The following GTF3C3 variants were observed in gnomAD, a reference collection of about 807,000 sequenced individuals.
GTF3C3 encodes general transcription factor IIIC subunit 3.
GTF3C3 carries 75 observed loss-of-function variants against 105.2 expected under a neutral mutation model. That is an observed-to-expected ratio of 0.71 (90% CI 0.59 to 0.86). GTF3C3 has a LOEUF of 0.86. Among genes scored for constraint, GTF3C3 ranks in the 40% least tolerant of loss-of-function variants. GTF3C3 has a pLI of 0.00. For synonymous variants in GTF3C3, 335 were observed against 370.4 expected (o/e 0.90, Z 1.10); for missense variants, 856 against 1,076.5 (o/e 0.80, Z 2.87).
rs1365718713 is a variant in GTF3C3, at chr2:196,763,547, G to GT, written c.*1015dup. The stretch of plus-strand genomic sequence containing the variant: ...CATACAAATTCTGCTCAACTAGAAA[G>GT]TTTTGTGTACAGTAGAAACAGTGGT... On this transcript the variant is annotated 3_prime_UTR_variant, in exon 18 of 18. Transcript: ENST00000263956. 2 of 152,168 alleles carry GT rather than the reference G, an allele frequency of 1.3e-5. No individual in the cohort carries two copies. The highest frequency in any genetic ancestry group is 6.5e-5 in the Admixed American group (1 of 15,276). The allele number at this position is 152,168 out of a possible 1,614,324, so 9.4% of individuals were successfully genotyped here.
intron 12 of GTF3C3, 46 bp from the exon 13 acceptor site, chr2:196,775,297 T>C (rs1295761925): frequency 1.3e-6 from 2 of 1,544,172 alleles, no homozygotes; most frequent in Admixed American, 1.9e-5. Context: ...AATAACTGTT[T>C]TGTTTAGAGA....
chr2:196,767,099 T>C (rs1699081316), intron 16 of GTF3C3: 1 of 155,826 alleles, frequency 6.4e-6, no homozygotes, highest in Non-Finnish European at 1.4e-5. Context: ...AAAATAATGA[T>C]AATGTACAAA....
chr2:196,769,970 AAGGTTAGGCCTATACAGAAGCTATAGAG>A lies in GTF3C3; in HGVS notation c.2302_2329del (p.Tyr769PhefsTer49). On this transcript the variant is annotated frameshift_variant, in exon 16 of 18. Transcript: ENST00000263956. LOFTEE classifies it high-confidence loss of function. ...ATACTTCTGAGATGCCATATGAATA[AAGGTTAGGCCTATACAGAAGCTATAGAG>A]AGGTTCGTCAGGGTGAGTGCGAAAG... 6.2e-7 allele frequency: 1 copy of A among 1,605,372 alleles called. No homozygotes were observed. The highest frequency in any genetic ancestry group is 8.5e-7 in the Non-Finnish European group (1 of 1,175,986).
At chr2:196,789,169 C>T in intron 6 of GTF3C3, 35 bp downstream of exon 6, 1 of 1,518,950 alleles carries the variant, frequency 6.6e-7, no homozygotes, top group Non-Finnish European at 8.9e-7. Context: ...ACAAGATTAA[C>T]AGGAGCAAGT....
In GTF3C3 at chr2:196,789,134, C is replaced by G. The variant is rs77810898; in HGVS notation, c.893+70G>C. 1.3e-4 allele frequency: 162 copies of G among 1,277,788 alleles called. No individual in the cohort carries two copies. In the African/African-American group the frequency reaches 2.2e-3, roughly 18 times the overall value. 79.2% of individuals were successfully genotyped at this position (1,277,788 alleles called of 1,614,324 possible). A position where few individuals can be genotyped will look rare whatever the true frequency, so the allele number is the denominator to read the frequency against. On this transcript the variant is annotated intron_variant, in intron 6 of 17. Coordinates refer to ENST00000263956, the MANE Select transcript of GTF3C3 (RefSeq NM_012086.5). ...ACTTCAATGAAAAGTACATTCTATTCCAAATATATGCTTTGATTTGCAAAA... is the reference window on the plus strand; with the variant it reads ...ACTTCAATGAAAAGTACATTCTATTGCAAATATATGCTTTGATTTGCAAAA...
In GTF3C3 at chr2:196,768,233, T is replaced by C. The variant is rs1576015510; in HGVS notation, c.2386-1516A>G. Among the ~76,000 whole-genome samples the C allele has an allele frequency of 2.2e-5, 3 of 134,922 alleles. No homozygotes were observed. In the South Asian group the frequency reaches 7.2e-4, roughly 32 times the overall value. 88.5% of individuals were successfully genotyped at this position (134,922 alleles called of 152,430 possible). A position where few individuals can be genotyped will look rare whatever the true frequency, so the allele number is the denominator to read the frequency against. ...TGTTTCACCATATTGGCCAGGCTGG[T>C]CTCAAACTCCTGACACCTCAAGTGA... On this transcript the variant is annotated intron_variant, in intron 16 of 17. Transcript: ENST00000263956.
At chr2:196,766,880 A>T (rs1307326641) in intron 16 of GTF3C3, 163 bp from the exon 17 acceptor site, 5 of 431,964 alleles carry the variant, frequency 1.2e-5, no homozygotes, top group Non-Finnish European at 2.0e-5. Context: ...AGGTGTCAAC[A>T]TTATAGCTCT....
Position 196,781,357 on chromosome 2 carries a change from A to AAAAAT in GTF3C3, c.1115-696_1115-695insATTTT. 6.8e-3 allele frequency among the ~76,000 whole-genome samples: 128 copies of AAAAAT among 18,824 alleles called. 1 individual carries two copies. Among genetic ancestry groups the AAAAAT allele is most frequent in the South Asian group, 0.013 (4 of 304 alleles). 12.3% of individuals were successfully genotyped at this position (18,824 alleles called of 152,430 possible). A position where few individuals can be genotyped will look rare whatever the true frequency, so the allele number is the denominator to read the frequency against. On this transcript the variant is annotated intron_variant, in intron 8 of 17. Coordinates refer to ENST00000263956, the MANE Select transcript of GTF3C3 (RefSeq NM_012086.5). ...ATGTTAAGGGGAAAAAAAAAAAAAAAATATATATATATATATATATATATA... is the reference window on the plus strand; with the variant it reads ...ATGTTAAGGGGAAAAAAAAAAAAAAAAAAATATATATATATATATATATATATATA...
chr2:196,798,835 C>G (rs183277628), intron 1 of GTF3C3, among the ~76,000 whole-genome samples: 1 of 134,178 alleles, frequency 7.5e-6, no homozygotes, highest in East Asian at 2.2e-4. Context: ...GCACTCCAGC[C>G]TGGGCAACAA....
chr2:196,769,773 C>A (rs1457480941), intron 16 of GTF3C3, 142 bp downstream of exon 16: 1 of 625,256 alleles, frequency 1.6e-6, no homozygotes, highest in African/African-American at 1.9e-5. Context: ...GTGCTGAACA[C>A]TGGGGTAAGT....
intron 4 of GTF3C3, among the ~76,000 whole-genome samples, chr2:196,790,860 C>G (rs1483271609): frequency 1.6e-4 from 24 of 151,580 alleles, no homozygotes; most frequent in Admixed American, 1.6e-3. Flanking sequence ...ATCAAGGAAA[C>G]AAAACAATAA....
chr2:196,791,721 A>T, intron 3 of GTF3C3: 1 of 308,458 alleles, frequency 3.2e-6, no homozygotes, highest in Non-Finnish European at 6.1e-6. Flanking sequence ...GGATCACCTG[A>T]GGCCAGGAGT....
At position 196,776,354 on chromosome 2, in the gene GTF3C3, C is replaced by T. The variant is rs1203683809; in HGVS notation, c.1593+73G>A. 1.4e-5 allele frequency: 17 copies of T among 1,234,318 alleles called. No homozygotes were observed. Among genetic ancestry groups the T allele is most frequent in the South Asian group, 1.3e-4 (10 of 74,312 alleles). The allele number at this position is 1,234,318 out of a possible 1,614,324, so 76.5% of individuals were successfully genotyped here. A position where few individuals can be genotyped will look rare whatever the true frequency, so the allele number is the denominator to read the frequency against. On this transcript the variant is annotated intron_variant, in intron 11 of 17. Coordinates refer to ENST00000263956, the MANE Select transcript of GTF3C3 (RefSeq NM_012086.5). The surrounding 1 kb of genome is among the most constrained non-coding windows in gnomAD (Gnocchi z 4.5). ...AAATTTTGGATATAAGCTATAGAGA[C>T]ATCCTTAATGGAGGAGAAAGTTCTA...
At chr2:196,775,805 C>T (rs576323646) in intron 12 of GTF3C3, among the ~76,000 whole-genome samples, 1 of 152,306 alleles carries the variant, frequency 6.6e-6, no homozygotes, top group South Asian at 2.1e-4. Context: ...TAAATATGTA[C>T]TAGGGAAGAT....
chr2:196,777,435 A>G (rs1004466654), intron 10 of GTF3C3, among the ~76,000 whole-genome samples: 4 of 152,150 alleles, frequency 2.6e-5, no homozygotes, highest in African/African-American at 4.8e-5. Flanking sequence ...CAATCAATCA[A>G]TCAATACATG....
intron 8 of GTF3C3, 89 bp downstream of exon 8, chr2:196,784,768 C>T: frequency 2.1e-6 from 3 of 1,446,822 alleles, no homozygotes; most frequent in Non-Finnish European, 2.7e-6. Flanking sequence ...ATCAACTCAC[C>T]ACAGTATGAA....
Position 196,776,758 on chromosome 2 carries a change from G to C in GTF3C3, c.1391-129C>G, listed in dbSNP as rs1011057394. ...AACAAGAAATGAATGCGTATTTCTAGTACTTTAAAACTATCCCTAATCTCT... is the reference window on the plus strand; with the variant it reads ...AACAAGAAATGAATGCGTATTTCTACTACTTTAAAACTATCCCTAATCTCT... On this transcript the variant is annotated intron_variant, in intron 10 of 17. Coordinates refer to ENST00000263956, the MANE Select transcript of GTF3C3 (RefSeq NM_012086.5). The surrounding 1 kb of genome is among the most constrained non-coding windows in gnomAD (Gnocchi z 4.5). 1.2e-5 allele frequency: 8 copies of C among 642,300 alleles called. No homozygotes were observed. Among genetic ancestry groups the C allele is most frequent in the Non-Finnish European group, 1.9e-5 (7 of 370,010 alleles). The allele number at this position is 642,300 out of a possible 1,614,324, so 39.8% of individuals were successfully genotyped here. A position where few individuals can be genotyped will look rare whatever the true frequency, so the allele number is the denominator to read the frequency against.
rs202144469 is a variant in GTF3C3, at chr2:196,776,108, G to A, written c.1597C>T (p.Leu533=). The change falls in exon 12 of 18, where the codon CTG becomes TTG. Residue 533 remains leucine (L), a synonymous_variant. Transcript: ENST00000263956. This position sits in a 1 kb window ranked among gnomAD's most constrained non-coding sequence, Gnocchi z 4.5. The part of the protein sequence containing the change: ...AQDANAAQQE[L]KLLLHRSTLL... ...GTAGAACGATGAAGCAATAACTTCA[G>A]TTCCTAAACAAATAAGCACATGATG... 179 of 1,530,522 alleles carry A rather than the reference G, an allele frequency of 1.2e-4. 1 individual carries two copies. Among genetic ancestry groups the A allele is most frequent in the Non-Finnish European group, 1.5e-4 (165 of 1,117,612 alleles). The allele number at this position is 1,530,522 out of a possible 1,614,324, so 94.8% of individuals were successfully genotyped here.
chr2:196,791,388 G>C lies in GTF3C3; in HGVS notation c.484C>G (p.Arg162Gly), dbSNP rs781403022. 6.2e-7 allele frequency: 1 copy of C among 1,613,854 alleles called. No individual in the cohort carries two copies. ...LMGEANIRFA[R>G]GEREEAILMC... is the part of the protein sequence containing the mutation. ...AATATCGCCTCTTCACGTTCTCCTC[G>C]AGCAAAACGAATGTTGGCTTCACCC... Residue 162 changes from arginine (R) to glycine (G), a missense_variant, in exon 4 of 18, where the codon CGA becomes GGA. Physicochemically the swap from Arg to Gly is moderately radical, Grantham distance 125. Around this residue, in one of 3 missense-constraint regions of GTF3C3, gnomAD observed 605 missense variants for 833.6 expected, o/e 0.73. Transcript: ENST00000263956.
Sources: allele counts gnomAD v4.1 joint callset (sites outside exome capture counted in the v4.1 genomes callset), GRCh38; gene constraint gnomAD v4.1.1; regional missense constraint gnomAD v4.1.1; non-coding constraint Gnocchi (gnomAD v3.1); transcripts MANE v1.5; gene names NCBI Gene and HGNC (gene_info 2026-07-23, HGNC 2026-07-21).